DENND1B: variants seen among roughly 807,000 people sequenced by gnomAD.
DENND1B encodes the protein DENN domain-containing protein 1B.
Under a neutral mutation model 90.1 loss-of-function variants are expected in DENND1B, and 59 were observed. The observed-to-expected ratio is 0.65, with a 90% CI of 0.53 to 0.81. The LOEUF (loss-of-function observed/expected upper bound fraction) is 0.81, where lower values mean the gene tolerates loss of function less well. Ranked by LOEUF, DENND1B falls within the 40% of genes least tolerant of loss-of-function variation. DENND1B has a pLI of 0.00. For synonymous variants in DENND1B, 337 were observed against 324.6 expected, an observed-to-expected ratio of 1.04 and a Z score of -0.41; for missense variants, 862 against 912.6, an observed-to-expected ratio of 0.94 and a Z score of 0.71.
Position 197,615,119 on chromosome 1 carries a change from T to C in DENND1B, c.773+2540A>G, listed in dbSNP as rs371169081. On this transcript the variant is annotated intron_variant, in intron 11 of 22. Transcript: ENST00000620048. ...TGTAATACTTATAGTATTGCAGTAT[T>C]ACACTGTGCTGTGTGTGTGCATGTG... Among the ~76,000 whole-genome samples, 277 of 151,210 alleles carry C rather than the reference T, an allele frequency of 1.8e-3. 1 individual carries two copies. Among genetic ancestry groups the C allele is most frequent in the Middle Eastern group, 6.8e-3 (2 of 294 alleles).
chr1:197,610,310 C>T (rs1278571959), intron 12 of DENND1B, among the ~76,000 whole-genome samples: 1 of 150,318 alleles, frequency 6.7e-6, no homozygotes, highest in Non-Finnish European at 1.5e-5. Context: ...CTTAAATTTG[C>T]TACTTAAAAA....
rs1334921215 is a variant in DENND1B at position 197,510,274 on chromosome 1, T to C, written c.*186A>G. On this transcript the variant is annotated 3_prime_UTR_variant, in exon 23 of 23. Transcript: ENST00000620048. ...ACTAGTACCTGATTTAAAAGCACAG[T>C]AGAATTCGCTTTATATTTAAAAATC... The C allele has an allele frequency of 1.5e-6, 1 of 656,258 alleles. No homozygotes were observed. The highest frequency in any genetic ancestry group is 2.5e-6 in the Non-Finnish European group (1 of 402,662). 40.7% of individuals were successfully genotyped at this position (656,258 alleles called of 1,614,324 possible).
the DENND1B span, among the ~76,000 whole-genome samples, chr1:197,781,369 A>G: frequency 2.0e-5 from 3 of 152,212 alleles, no homozygotes; most frequent in African/African-American, 7.2e-5. Flanking sequence ...AAATTTATTA[A>G]TAGTATTACC....
chr1:197,721,136 C>T (rs1661136737), intron 2 of DENND1B, among the ~76,000 whole-genome samples: 2 of 133,932 alleles, frequency 1.5e-5, no homozygotes, highest in Non-Finnish European at 3.0e-5. Context: ...GTGGCACAAT[C>T]TCTGCTCACT....
chr1:197,565,150 C>T (rs2125713604), intron 15 of DENND1B, among the ~76,000 whole-genome samples: 1 of 152,052 alleles, frequency 6.6e-6, no homozygotes, highest in African/African-American at 2.4e-5. Flanking sequence ...AGATTACATA[C>T]CATGAATCAC....
chr1:197,550,416 T>C (rs549830260), intron 16 of DENND1B, among the ~76,000 whole-genome samples: 13 of 152,080 alleles, frequency 8.5e-5, no homozygotes, highest in Non-Finnish European at 1.6e-4. Context: ...AATGAGGTAA[T>C]GAAAGTACCT....
chr1:197,544,869 A>AAAAGGAAGG (rs1670624786), intron 18 of DENND1B, among the ~76,000 whole-genome samples: 1 of 146,650 alleles, frequency 6.8e-6, no homozygotes, highest in Non-Finnish European at 1.5e-5. Context: ...GAAGGAGGAG[A>AAAAGGAAGG]AGGAGATGAA....
intron 14 of DENND1B, among the ~76,000 whole-genome samples, chr1:197,594,387 C>T (rs1475295690): frequency 6.6e-6 from 1 of 152,090 alleles, no homozygotes; most frequent in Non-Finnish European, 1.5e-5. Context: ...TAAGAATTCT[C>T]ATTTTACAAA....
chr1:197,548,687 A>G (rs1394831636), intron 16 of DENND1B, among the ~76,000 whole-genome samples: 1 of 152,050 alleles, frequency 6.6e-6, no homozygotes, highest in African/African-American at 2.4e-5. Context: ...TCCCTCTAAG[A>G]CTGCTAAATA....
intron 16 of DENND1B, among the ~76,000 whole-genome samples, chr1:197,547,342 T>G (rs1290594389): frequency 6.6e-6 from 1 of 151,998 alleles, no homozygotes; most frequent in African/African-American, 2.4e-5. Flanking sequence ...CATACTGTTC[T>G]CCTCTACTCT....
intron 21 of DENND1B, 152 bp downstream of exon 21, chr1:197,512,719 T>C (rs1174231573): frequency 1.6e-6 from 1 of 627,180 alleles, no homozygotes; most frequent in Non-Finnish European, 2.7e-6. Context: ...CCCCATAACA[T>C]TCCAGGAGCA....
chr1:197,705,716 T>C (rs750623769), intron 3 of DENND1B, among the ~76,000 whole-genome samples: 58 of 150,468 alleles, frequency 3.9e-4, no homozygotes, highest in Non-Finnish European at 6.1e-4. Context: ...CAAGACAGAA[T>C]TGAGAAGACT....
chr1:197,656,653 A>G (rs546852397), intron 6 of DENND1B, among the ~76,000 whole-genome samples: 4 of 152,200 alleles, frequency 2.6e-5, no homozygotes, highest in African/African-American at 4.8e-5. Flanking sequence ...AAATTAAAAA[A>G]TTAGCTATTT....
chr1:197,692,728 C>T (rs1658032922), intron 3 of DENND1B, among the ~76,000 whole-genome samples: 1 of 151,686 alleles, frequency 6.6e-6, no homozygotes, highest in Admixed American at 6.6e-5. Flanking sequence ...CTCTTAAAAA[C>T]CAAAATATTT....
At chr1:197,598,134 C>A (rs914416868) in intron 13 of DENND1B, among the ~76,000 whole-genome samples, 1 of 151,680 alleles carries the variant, frequency 6.6e-6, no homozygotes, top group African/African-American at 2.4e-5. Flanking sequence ...ACTAAAATTG[C>A]CTGGCAAGAA....
chr1:197,577,971 A>G (rs1673835808), intron 15 of DENND1B, among the ~76,000 whole-genome samples: 1 of 152,218 alleles, frequency 6.6e-6, no homozygotes, highest in Non-Finnish European at 1.5e-5. Context: ...TATAAACATT[A>G]AAAATATATA....
intron 2 of DENND1B, among the ~76,000 whole-genome samples, chr1:197,759,839 C>T (rs1236393267): frequency 6.6e-6 from 1 of 151,394 alleles, no homozygotes; most frequent in East Asian, 1.9e-4. Context: ...GGCAAAAGCA[C>T]CCTCAATCTA....
At chr1:197,620,695 T>A (rs1678077298) in intron 10 of DENND1B, among the ~76,000 whole-genome samples, 1 of 151,318 alleles carries the variant, frequency 6.6e-6, no homozygotes, top group Non-Finnish European at 1.5e-5. Context: ...ATTATAATAA[T>A]TTTTTTGCTT....
At chr1:197,527,060 A>T (rs1318541860) in intron 20 of DENND1B, among the ~76,000 whole-genome samples, 1 of 152,210 alleles carries the variant, frequency 6.6e-6, no homozygotes, top group Non-Finnish European at 1.5e-5. Flanking sequence ...ACAGAGAAAC[A>T]AAAGAGAAAA....
Sources: allele counts gnomAD v4.1 joint callset (sites outside exome capture counted in the v4.1 genomes callset), GRCh38; gene constraint gnomAD v4.1.1; transcripts MANE v1.5; gene names NCBI Gene and HGNC (gene_info 2026-07-23, HGNC 2026-07-21).